Variants in COL26A1 observed in about 807,000 individuals in gnomAD.
COL26A1 encodes collagen type XXVI alpha 1 chain.
COL26A1 carries 41 observed loss-of-function variants against 59.3 expected under a neutral mutation model. The ratio of observed to expected loss-of-function variants is 0.69; its 90% confidence interval spans 0.54 to 0.90. COL26A1 has a LOEUF of 0.90. COL26A1 is among the 40% of genes least tolerant of loss of function. COL26A1 has a pLI of 0.00. For missense variants in COL26A1, 612 were observed against 602.3 expected (o/e 1.02, Z -0.17); for synonymous variants, 266 against 256.0 (o/e 1.04, Z -0.37).
chr7:101,387,752 ATT>A (rs368699429), intron 1 of COL26A1, among the ~76,000 whole-genome samples: 48,501 of 87,112 alleles, frequency 0.56, 15,888 homozygotes, highest in Non-Finnish European at 0.68. Flanking sequence ...ATATATATAT[ATT>A]TATATATATA....
At chr7:101,490,924 G>A (rs1282864662) in intron 3 of COL26A1, among the ~76,000 whole-genome samples, 1 of 148,540 alleles carries the variant, frequency 6.7e-6, no homozygotes, top group Non-Finnish European at 1.5e-5. Flanking sequence ...ACGTGAGGTT[G>A]CAGTGAGCTG....
intron 2 of COL26A1, among the ~76,000 whole-genome samples, chr7:101,438,925 G>A (rs936369731): frequency 6.6e-6 from 1 of 152,090 alleles, no homozygotes; most frequent in Non-Finnish European, 1.5e-5. Flanking sequence ...CGATCCACCC[G>A]TCTGGGCCTC....
chr7:101,490,096 A>G (rs1375381570), intron 3 of COL26A1, among the ~76,000 whole-genome samples: 2 of 150,454 alleles, frequency 1.3e-5, no homozygotes, highest in South Asian at 2.1e-4. Context: ...GCCACCACAC[A>G]TGGGTAATTT....
intron 2 of COL26A1, among the ~76,000 whole-genome samples, chr7:101,446,046 C>CAAAAAAGAAAAAAAAAAAAAAAA (rs1793186370): frequency 2.0e-5 from 1 of 50,996 alleles, no homozygotes. Flanking sequence ...GACTCCGTCT[C>CAAAAAAGAAAAAAAAAAAAAAAA]AAAAAAAAAA....
chr7:101,536,597 G>A (rs1185804895), intron 4 of COL26A1, among the ~76,000 whole-genome samples: 5 of 152,248 alleles, frequency 3.3e-5, no homozygotes, highest in Non-Finnish European at 7.3e-5. Flanking sequence ...GAAATCAGAT[G>A]GCTTGCATAA....
chr7:101,422,862 A>G (rs1225858279), intron 2 of COL26A1, among the ~76,000 whole-genome samples: 1 of 152,062 alleles, frequency 6.6e-6, no homozygotes, highest in Non-Finnish European at 1.5e-5. Context: ...GCTGGTCTTG[A>G]ACTCCTGGCT....
chr7:101,451,603 T>C lies in COL26A1; in HGVS notation c.385+3816T>C, dbSNP rs541647206. 4.2e-4 allele frequency among the ~76,000 whole-genome samples: 63 copies of C among 150,824 alleles called. 1 individual carries two copies. The South Asian group carries it at 0.012, about 28-fold the overall frequency. Reference sequence around the variant, plus strand: ...GTAAAGTATATAATTTATATATGTATATAAAAACGAACCTGAAATTAAGAC... The same window carrying C: ...GTAAAGTATATAATTTATATATGTACATAAAAACGAACCTGAAATTAAGAC... On this transcript the variant is annotated intron_variant, in intron 3 of 12. Coordinates refer to ENST00000313669, the MANE Select transcript of COL26A1 (RefSeq NM_001278563.3).
chr7:101,378,319 T>G (rs1425278615), intron 1 of COL26A1, among the ~76,000 whole-genome samples: 6 of 152,172 alleles, frequency 3.9e-5, no homozygotes, highest in African/African-American at 1.4e-4. Context: ...GGATTTAACT[T>G]AGTTTTTTAC....
intron 3 of COL26A1, among the ~76,000 whole-genome samples, chr7:101,461,638 C>T (rs1279671399): frequency 1.3e-5 from 2 of 152,142 alleles, no homozygotes; most frequent in East Asian, 3.9e-4. Flanking sequence ...GGGCTAATTT[C>T]ACACATTGCC....
At chr7:101,481,214 A>C (rs1794147155) in intron 3 of COL26A1, among the ~76,000 whole-genome samples, 1 of 152,010 alleles carries the variant, frequency 6.6e-6, no homozygotes, top group Non-Finnish European at 1.5e-5. Flanking sequence ...GTCATTCCTT[A>C]TTTCATGGGT....
intron 2 of COL26A1, among the ~76,000 whole-genome samples, chr7:101,436,607 G>A (rs981779017): frequency 2.6e-5 from 4 of 152,074 alleles, no homozygotes; most frequent in African/African-American, 9.7e-5. Flanking sequence ...GCAGGACTTC[G>A]TGACGCTTTG....
intron 1 of COL26A1, among the ~76,000 whole-genome samples, chr7:101,381,832 C>T (rs1327627346): frequency 6.6e-6 from 1 of 151,992 alleles, no homozygotes; most frequent in African/African-American, 2.4e-5. Context: ...AAGAGGACGT[C>T]CCTGGGGGAG....
intron 1 of COL26A1, among the ~76,000 whole-genome samples, chr7:101,370,414 A>G (rs1791162619): frequency 6.6e-6 from 1 of 152,098 alleles, no homozygotes; most frequent in Non-Finnish European, 1.5e-5. Context: ...TCTGTTGCCC[A>G]GGCTGGAGTG....
intron 3 of COL26A1, among the ~76,000 whole-genome samples, chr7:101,462,387 G>A (rs548653156): frequency 7.5e-4 from 114 of 152,166 alleles, no homozygotes; most frequent in African/African-American, 2.7e-3. Context: ...TGCCATCTCG[G>A]CTCACTGCAA....
chr7:101,556,469 G>C (rs1044872463), intron 12 of COL26A1, among the ~76,000 whole-genome samples: 1 of 152,136 alleles, frequency 6.6e-6, no homozygotes, highest in African/African-American at 2.4e-5. Flanking sequence ...ATGTATGCAT[G>C]GGTGGATGCA....
chr7:101,483,049 ACGGC>A (rs1406059929), intron 3 of COL26A1, among the ~76,000 whole-genome samples: 1 of 152,032 alleles, frequency 6.6e-6, no homozygotes, highest in African/African-American at 2.4e-5. Flanking sequence ...TGGATCTTTT[ACGGC>A]CTCAACCTCT....
At chr7:101,437,108 C>T (rs763238417) in intron 2 of COL26A1, among the ~76,000 whole-genome samples, 4 of 152,166 alleles carry the variant, frequency 2.6e-5, no homozygotes, top group East Asian at 1.9e-4. Flanking sequence ...GCTAGGCAGG[C>T]GGTGTAGCCA....
At chr7:101,506,036 C>T (rs994701178) in intron 3 of COL26A1, among the ~76,000 whole-genome samples, 5 of 152,192 alleles carry the variant, frequency 3.3e-5, no homozygotes, top group Admixed American at 2.0e-4. Context: ...TAAGCTAGAA[C>T]CCATCCTCAC....
chr7:101,411,793 CTG>C (rs1792246962), intron 1 of COL26A1, among the ~76,000 whole-genome samples: 1 of 152,022 alleles, frequency 6.6e-6, no homozygotes, highest in African/African-American at 2.4e-5. Context: ...TGGGGACAGA[CTG>C]TGTGGTTCTG....
Sources: allele counts gnomAD v4.1 joint callset (sites outside exome capture counted in the v4.1 genomes callset), GRCh38; gene constraint gnomAD v4.1.1; transcripts MANE v1.5; gene names NCBI Gene and HGNC (gene_info 2026-07-23, HGNC 2026-07-21).